CDH7: variants seen among roughly 807,000 people sequenced by gnomAD.
CDH7 encodes the protein cadherin 7.
Under a neutral mutation model 71.8 loss-of-function variants are expected in CDH7, and 25 were observed. The observed-to-expected ratio is 0.35, with a 90% CI of 0.25 to 0.49. CDH7 has a LOEUF of 0.49. CDH7 is among the 20% of genes least tolerant of loss of function. The probability of loss-of-function intolerance (pLI) is 0.99; values close to 1 mark genes in which losing one functional copy is unlikely to be tolerated. For missense variants in CDH7, 862 were observed against 974.6 expected (o/e 0.88, Z 1.54); for synonymous variants, 381 against 363.8 (o/e 1.05, Z -0.54).
chr18:65,846,099 G>GA (rs35275048), intron 7 of CDH7, among the ~76,000 whole-genome samples: 1 of 151,750 alleles, frequency 6.6e-6, no homozygotes, highest in Non-Finnish European at 1.5e-5. Context: ...ATTTTCATTG[G>GA]AAAAAAGTCA....
intron 3 of CDH7, among the ~76,000 whole-genome samples, chr18:65,811,074 A>G (rs975340056): frequency 6.6e-6 from 1 of 152,020 alleles, no homozygotes; most frequent in Admixed American, 6.6e-5. Flanking sequence ...TGGATGAGAG[A>G]TGGGTTGATT....
At chr18:65,799,111 G>A (rs145474990) in intron 2 of CDH7, among the ~76,000 whole-genome samples, 1 of 152,102 alleles carries the variant, frequency 6.6e-6, no homozygotes, top group East Asian at 1.9e-4. Context: ...TTGTCCATTT[G>A]CCATTAAGAT....
At chr18:65,764,909 A>C (rs1916309035) in intron 2 of CDH7, among the ~76,000 whole-genome samples, 1 of 152,056 alleles carries the variant, frequency 6.6e-6, no homozygotes. Context: ...TCAATTTAAA[A>C]TTATGAAGAG....
At chr18:65,823,257 G>C (rs1599031156) in intron 5 of CDH7, among the ~76,000 whole-genome samples, 1 of 151,708 alleles carries the variant, frequency 6.6e-6, no homozygotes, top group Non-Finnish European at 1.5e-5. Context: ...GTGACCCCAG[G>C]TTTAGCATTA....
intron 2 of CDH7, among the ~76,000 whole-genome samples, chr18:65,783,188 A>G (rs1009682611): frequency 6.6e-6 from 1 of 152,240 alleles, no homozygotes; most frequent in African/African-American, 2.4e-5. Context: ...TATTCAGGAA[A>G]GAGTAAGCAT....
At chr18:65,794,756 G>C (rs949629046) in intron 2 of CDH7, among the ~76,000 whole-genome samples, 2 of 152,054 alleles carry the variant, frequency 1.3e-5, no homozygotes, top group African/African-American at 4.8e-5. Flanking sequence ...AGGGCGGTGT[G>C]GGGGGTGAGA....
chr18:65,782,061 CCTTTCTTT>C (rs1429619922), intron 2 of CDH7, among the ~76,000 whole-genome samples: 1 of 38,236 alleles, frequency 2.6e-5, no homozygotes. Flanking sequence ...TTCCTTCCTT[CCTTTCTTT>C]CTTTCTTTCT....
rs200963885 is a variant in CDH7, at chr18:65,762,831, GAAAA to G, written c.-5_-2del. 7.1e-6 allele frequency: 10 copies of G among 1,416,638 alleles called. No homozygotes were observed. In the South Asian group the frequency reaches 1.3e-4, roughly 19 times the overall value. 87.8% of individuals were successfully genotyped at this position (1,416,638 alleles called of 1,614,324 possible). A position where few individuals can be genotyped will look rare whatever the true frequency, so the allele number is the denominator to read the frequency against. On this transcript the variant is annotated 5_prime_UTR_variant, in exon 2 of 12. Coordinates refer to ENST00000397968, the MANE Select transcript of CDH7 (RefSeq NM_004361.5). Reference sequence around the variant, plus strand: ...TTTTTTCTTACACAGGAAAAAGAAAGAAAAAAAAAAGATGAAGTTGGGCAAAGTG... The same window carrying G: ...TTTTTTCTTACACAGGAAAAAGAAAGAAAAAAGATGAAGTTGGGCAAAGTG...
rs1914341226 is a variant in CDH7, at chr18:65,885,370, G to GAGTTTTTTTTTTTT, written c.*4476_*4477insAGTTTTTTTTTTTT. The GAGTTTTTTTTTTTT allele has an allele frequency of 4.7e-5, 1 of 21,330 alleles. No individual in the cohort carries two copies. The highest frequency in any genetic ancestry group is 2.2e-4 in the Non-Finnish European group (1 of 4,614). 1.3% of individuals were successfully genotyped at this position (21,330 alleles called of 1,614,324 possible). On this transcript the variant is annotated 3_prime_UTR_variant, in exon 12 of 12. Transcript: ENST00000397968. Reference sequence around the variant, plus strand: ...ATGTAACTGAAAAGGATGTGTGCCTGTGTTTTTTTTTTTTTTTTTTTTTTT... The same window carrying GAGTTTTTTTTTTTT: ...ATGTAACTGAAAAGGATGTGTGCCTGAGTTTTTTTTTTTTTGTTTTTTTTTTTTTTTTTTTTTTT...
chr18:65,883,382 C>A lies in CDH7; in HGVS notation c.*2488C>A, dbSNP rs1914285980. The A allele has an allele frequency of 2.0e-5, 3 of 151,790 alleles. No homozygotes were observed. 9.4% of individuals were successfully genotyped at this position (151,790 alleles called of 1,614,324 possible). ...TTAGTTTTCTTTTTTCTTCTGAAAT[C>A]TAATGCTATATATGATGACTGTCAA... On this transcript the variant is annotated 3_prime_UTR_variant, in exon 12 of 12. Transcript: ENST00000397968.
At chr18:65,794,618 G>A (rs1910841490) in intron 2 of CDH7, among the ~76,000 whole-genome samples, 1 of 151,774 alleles carries the variant, frequency 6.6e-6, no homozygotes, top group Non-Finnish European at 1.5e-5. Flanking sequence ...TGAAAATTTA[G>A]TTGTTTTAAG....
chr18:65,750,972 G>C (rs1436951948), upstream of CDH7: 1 of 152,284 alleles, frequency 6.6e-6, no homozygotes, highest in Non-Finnish European at 1.5e-5. Flanking sequence ...GGAGGAGCCC[G>C]TGCCGGGCGG....
At chr18:65,856,360 T>C (rs571022232) in intron 7 of CDH7, among the ~76,000 whole-genome samples, 1 of 152,280 alleles carries the variant, frequency 6.6e-6, no homozygotes, top group African/African-American at 2.4e-5. Context: ...TGAGGGCTCA[T>C]AGTACATAAA....
At chr18:65,879,344 T>A (rs914187168) in intron 11 of CDH7, among the ~76,000 whole-genome samples, 5 of 152,200 alleles carry the variant, frequency 3.3e-5, no homozygotes, top group Non-Finnish European at 5.9e-5. Flanking sequence ...ATAATGTACG[T>A]TATGGGCTAT....
chr18:65,818,766 T>A (rs932582886), intron 4 of CDH7, among the ~76,000 whole-genome samples: 1 of 152,202 alleles, frequency 6.6e-6, no homozygotes, highest in Non-Finnish European at 1.5e-5. Flanking sequence ...CCAAGAGAGC[T>A]AACATGATAT....
intron 11 of CDH7, among the ~76,000 whole-genome samples, chr18:65,879,444 A>C (rs911950591): frequency 6.6e-6 from 1 of 152,214 alleles, no homozygotes; most frequent in African/African-American, 2.4e-5. Flanking sequence ...ATTACTTTAC[A>C]TATTTTTAAA....
At chr18:65,797,618 T>G (rs1910964650) in intron 2 of CDH7, among the ~76,000 whole-genome samples, 1 of 152,184 alleles carries the variant, frequency 6.6e-6, no homozygotes, top group African/African-American at 2.4e-5. Flanking sequence ...GAAGAGACAA[T>G]TACATATCCC....
At chr18:65,759,869 G>A (rs1009375590) in intron 1 of CDH7, among the ~76,000 whole-genome samples, 1 of 152,088 alleles carries the variant, frequency 6.6e-6, no homozygotes, top group Non-Finnish European at 1.5e-5. Context: ...TCTGATATTT[G>A]TGTTTGATTT....
chr18:65,814,360 T>A, intron 3 of CDH7, 125 bp from the exon 4 acceptor site: 1 of 996,900 alleles, frequency 1.0e-6, no homozygotes, highest in South Asian at 1.3e-5. Context: ...TTTTTTTATG[T>A]GTCTTGAAAA....
Sources: allele counts gnomAD v4.1 joint callset (sites outside exome capture counted in the v4.1 genomes callset), GRCh38; gene constraint gnomAD v4.1.1; transcripts MANE v1.5; gene names NCBI Gene and HGNC (gene_info 2026-07-23, HGNC 2026-07-21).